The following GPC3 variants were observed in gnomAD, a reference collection of about 807,000 sequenced individuals.
The protein encoded by GPC3 is glypican 3, also known as glypican-3.
A neutral mutation model predicts 34.4 loss-of-function variants in GPC3; 3 were observed. The ratio of observed to expected loss-of-function variants is 0.09; its 90% CI spans 0.04 to 0.23. The LOEUF (loss-of-function observed/expected upper bound fraction) is 0.23. Among genes scored for constraint, GPC3 ranks in the 10% least tolerant of loss-of-function variants. The probability of loss-of-function intolerance (pLI) is 1.00; values close to 1 mark genes in which losing one functional copy is unlikely to be tolerated. For missense variants in GPC3, 351 were observed against 445.6 expected (o/e 0.79, Z 1.91); for synonymous variants, 177 against 174.0 (o/e 1.02, Z -0.13).
At chrX:133,641,702 C>T (rs1020080778) in intron 6 of GPC3, among the ~76,000 whole-genome samples, 2 of 111,448 alleles carry the variant, frequency 1.8e-5, no homozygotes, top group African/African-American at 3.3e-5. Flanking sequence ...CTTCCTGGAC[C>T]GTGGGCATTA....
chrX:133,610,410 A>G (rs2070097206), intron 6 of GPC3, among the ~76,000 whole-genome samples: 1 of 110,817 alleles, frequency 9.0e-6, no homozygotes, highest in African/African-American at 3.3e-5. Flanking sequence ...TAGTCAACAC[A>G]CTTACTGTTC....
chrX:133,841,215 A>ATTTTTTTTTTTTTTTT (rs769696321), intron 2 of GPC3, among the ~76,000 whole-genome samples: 5,021 of 39,069 alleles, frequency 0.13, 1,599 homozygotes, highest in Non-Finnish European at 0.22. Flanking sequence ...TAATCTTTTA[A>ATTTTTTTTTTTTTTTT]TTTTTTTTTT....
Position 133,661,842 on chromosome X carries a change from T to G in GPC3, c.1301A>C (p.Gln434Pro). The change falls in exon 6 of 8, where the codon CAA becomes CCA. Residue 434 changes from glutamine (Q) to proline (P), a missense_variant. Coordinates refer to ENST00000370818, the MANE Select transcript of GPC3 (RefSeq NM_004484.4). ...NGQELVERYSQKAARNGMKNQ... is the reference protein window; with the variant it reads ...NGQELVERYSPKAARNGMKNQ... ...TTTCATTCCATTCCTTGCTGCCTTT[T>G]GGCTGTATCTGTAAAGGTGAAGGTA... is the stretch of plus-strand genomic sequence containing the variant. 1 of 1,196,526 alleles carries G rather than the reference T, an allele frequency of 8.4e-7. No homozygotes were observed. The highest frequency in any genetic ancestry group is 1.1e-6 in the Non-Finnish European group (1 of 883,793).
intron 7 of GPC3, among the ~76,000 whole-genome samples, chrX:133,545,159 C>T (rs1387693245): frequency 1.8e-5 from 2 of 111,526 alleles, no homozygotes; most frequent in East Asian, 2.8e-4. Context: ...AGACACTGTA[C>T]AGCAAGGGCC....
chrX:133,543,204 C>T (rs780610256), intron 7 of GPC3, among the ~76,000 whole-genome samples: 12 of 110,990 alleles, frequency 1.1e-4, no homozygotes, highest in African/African-American at 3.3e-4. Context: ...CTGCAACCTC[C>T]ACCTCCAGAG....
intron 7 of GPC3, among the ~76,000 whole-genome samples, chrX:133,584,159 A>G (rs1298198597): frequency 8.9e-6 from 1 of 112,495 alleles, no homozygotes; most frequent in Non-Finnish European, 1.9e-5. Flanking sequence ...AATGAAGGTG[A>G]AGCACACTGT....
intron 6 of GPC3, among the ~76,000 whole-genome samples, chrX:133,621,657 C>T (rs1388633247): frequency 8.9e-6 from 1 of 112,195 alleles, no homozygotes; most frequent in East Asian, 2.8e-4. Flanking sequence ...GGCCAGGAAG[C>T]TCAAACTGGG....
At chrX:133,773,815 G>A (rs1363273884) in intron 2 of GPC3, among the ~76,000 whole-genome samples, 4 of 111,340 alleles carry the variant, frequency 3.6e-5, no homozygotes, top group Non-Finnish European at 7.5e-5. Flanking sequence ...TATGAGTATA[G>A]TGTTGTCTCA....
chrX:133,857,570 A>T (rs2075910144), intron 2 of GPC3, among the ~76,000 whole-genome samples: 1 of 111,620 alleles, frequency 9.0e-6, no homozygotes, highest in African/African-American at 3.3e-5. Context: ...ATTTGGGGTA[A>T]ATCACATTCC....
At chrX:133,867,473 A>G (rs2075973322) in intron 2 of GPC3, among the ~76,000 whole-genome samples, 1 of 110,600 alleles carries the variant, frequency 9.0e-6, no homozygotes, top group African/African-American at 3.3e-5. Context: ...AATGGGGCCT[A>G]TGGAATCACA....
intron 5 of GPC3, among the ~76,000 whole-genome samples, chrX:133,683,631 T>C (rs1298918046): frequency 8.9e-6 from 1 of 112,085 alleles, no homozygotes; most frequent in Non-Finnish European, 1.9e-5. Flanking sequence ...TCTATAGACA[T>C]ATCAATGTTG....
chrX:133,936,519 A>G (rs1309816794), intron 2 of GPC3, among the ~76,000 whole-genome samples: 2 of 111,646 alleles, frequency 1.8e-5, no homozygotes, highest in Admixed American at 9.6e-5. Flanking sequence ...AAGTGCTAAC[A>G]ACGGCTTGTG....
intron 6 of GPC3, among the ~76,000 whole-genome samples, chrX:133,649,256 G>T (rs2070573051): frequency 9.9e-6 from 1 of 101,236 alleles, no homozygotes; most frequent in Non-Finnish European, 2.0e-5. Context: ...TAAATGACGA[G>T]GATATATATA....
At chrX:133,746,163 C>T (rs1237204605) in intron 3 of GPC3, among the ~76,000 whole-genome samples, 2 of 112,084 alleles carry the variant, frequency 1.8e-5, no homozygotes, top group Non-Finnish European at 3.8e-5. Flanking sequence ...ACTCAGGAGT[C>T]TTATGCCATT....
At chrX:133,950,659 C>T (rs2076388453) in intron 2 of GPC3, among the ~76,000 whole-genome samples, 1 of 111,786 alleles carries the variant, frequency 8.9e-6, no homozygotes, top group Admixed American at 9.5e-5. Context: ...AATTTCAATT[C>T]AATGGAATAA....
At chrX:133,925,974 T>C (rs1191294314) in intron 2 of GPC3, among the ~76,000 whole-genome samples, 6 of 111,243 alleles carry the variant, frequency 5.4e-5, no homozygotes, top group Non-Finnish European at 3.8e-5. Context: ...GGCTGCCTCT[T>C]AGGGGAGGGA....
chrX:133,709,739 G>A (rs2071251036), intron 3 of GPC3, among the ~76,000 whole-genome samples: 1 of 112,040 alleles, frequency 8.9e-6, no homozygotes, highest in Non-Finnish European at 1.9e-5. Flanking sequence ...TAGCTCAAAT[G>A]AATACTGATT....
chrX:133,807,951 GGATTTGGA>G lies in GPC3; in HGVS notation c.338-53783_338-53776del, dbSNP rs1371220682. Among the ~76,000 whole-genome samples, 6 of 112,093 alleles carry G rather than the reference GGATTTGGA, an allele frequency of 5.4e-5. 1 individual carries two copies. Among genetic ancestry groups the G allele is most frequent in the African/African-American group, 1.6e-4 (5 of 30,892 alleles). ...TCTGTGTTTTACCAAGCCCTCCAGA[GGATTTGGA>G]AGGAAGATCAAGTTGAAGAACCACT... On this transcript the variant is annotated intron_variant, in intron 2 of 7. Transcript: ENST00000370818.
intron 6 of GPC3, among the ~76,000 whole-genome samples, chrX:133,631,351 A>G (rs1438360947): frequency 1.8e-5 from 2 of 112,048 alleles, no homozygotes; most frequent in African/African-American, 3.2e-5. Flanking sequence ...AAGTCAAACA[A>G]TATTTGTCCT....
Sources: gnomAD v4.1 joint callset for allele counts (sites outside exome capture counted in the v4.1 genomes callset) on GRCh38, gnomAD v4.1.1 for gene constraint, MANE v1.5 for transcripts, NCBI Gene and HGNC (gene_info 2026-07-23, HGNC 2026-07-21) for gene names.